Variants in FHIT observed in about 807,000 individuals in gnomAD.
FHIT encodes the protein bis(5'-adenosyl)-triphosphatase.
FHIT carries 19 observed loss-of-function variants against 17.9 expected under a neutral mutation model. The ratio of observed to expected loss-of-function variants is 1.06; its 90% CI spans 0.74 to 1.56. The LOEUF is 1.56. FHIT is among the 40% of genes most tolerant of loss of function. The pLI is 0.00. For synonymous variants in FHIT, 81 were observed against 69.7 expected (o/e 1.16, Z -0.81); for missense variants, 248 against 189.2 (o/e 1.31, Z -1.82).
chr3:60,202,485 T>A (rs377172690), intron 5 of FHIT, among the ~76,000 whole-genome samples: 1 of 152,202 alleles, frequency 6.6e-6, no homozygotes, highest in Non-Finnish European at 1.5e-5. Context: ...GGTCAGGCAC[T>A]AGTTGGCATT....
At chr3:60,979,779 C>T (rs934689976) in intron 3 of FHIT, among the ~76,000 whole-genome samples, 31 of 152,182 alleles carry the variant, frequency 2.0e-4, no homozygotes, top group African/African-American at 6.0e-4. Context: ...ATCTGCATTC[C>T]GCTGTTCTCT....
chr3:60,220,649 A>C (rs1190576820), intron 5 of FHIT, among the ~76,000 whole-genome samples: 2 of 152,176 alleles, frequency 1.3e-5, no homozygotes, highest in Non-Finnish European at 2.9e-5. Flanking sequence ...TAACTTCAGT[A>C]GCAGACACTG....
chr3:60,375,408 TA>T (rs144193166), intron 5 of FHIT, among the ~76,000 whole-genome samples: 76,337 of 142,762 alleles, frequency 0.53, 20,206 homozygotes, highest in Non-Finnish European at 0.59. Context: ...ATCTCTACTT[TA>T]AAAAAAAAAA....
At position 60,496,406 on chromosome 3, in the gene FHIT, C is replaced by T. The variant is rs532984637; in HGVS notation, c.103+40454G>A. On this transcript the variant is annotated intron_variant, in intron 5 of 9. Transcript: ENST00000492590. ...TGCATCCAGGAGCAAACGTTTTACT[C>T]CACTGGATAATTGGAGAAATGAGAA... Among the ~76,000 whole-genome samples, 5 of 152,260 alleles carry T rather than the reference C, an allele frequency of 3.3e-5. No homozygotes were observed. In the South Asian group the frequency reaches 1.0e-3, roughly 32 times the overall value.
chr3:60,426,698 C>T (rs888463735), intron 5 of FHIT, among the ~76,000 whole-genome samples: 6 of 152,128 alleles, frequency 3.9e-5, no homozygotes, highest in African/African-American at 1.4e-4. Flanking sequence ...TTGATCATCA[C>T]AATTTTCTAC....
intron 1 of FHIT, among the ~76,000 whole-genome samples, chr3:61,210,607 T>A (rs2039431365): frequency 6.6e-6 from 1 of 152,168 alleles, no homozygotes; most frequent in African/African-American, 2.4e-5. Context: ...CTCCGAGCCA[T>A]GTGCGGTATA....
At position 59,869,975 on chromosome 3, in the gene FHIT, G is replaced by C. The variant is rs141156844; in HGVS notation, c.348+52371C>G. Among the ~76,000 whole-genome samples, 7 of 152,028 alleles carry C rather than the reference G, an allele frequency of 4.6e-5. No homozygotes were observed. In the East Asian group the frequency reaches 9.7e-4, roughly 21 times the overall value. ...CCAATTTTTAGCTGCTACTTATTGA[G>C]TGCTGACTATTCTTGGCATCAGCTA... On this transcript the variant is annotated intron_variant, in intron 8 of 9. Coordinates refer to ENST00000492590, the MANE Select transcript of FHIT (RefSeq NM_002012.4).
At chr3:60,595,189 T>C (rs2038223664) in intron 4 of FHIT, among the ~76,000 whole-genome samples, 1 of 151,956 alleles carries the variant, frequency 6.6e-6, no homozygotes. Context: ...CAGTCTAGAT[T>C]TGGATGCAAA....
At chr3:60,330,253 G>A (rs1418243237) in intron 5 of FHIT, among the ~76,000 whole-genome samples, 4 of 152,146 alleles carry the variant, frequency 2.6e-5, no homozygotes, top group South Asian at 2.1e-4. Context: ...AGCAATGCTC[G>A]ATCAGGATTC....
intron 8 of FHIT, among the ~76,000 whole-genome samples, chr3:59,910,196 T>G (rs1336991498): frequency 1.3e-5 from 2 of 152,168 alleles, no homozygotes; most frequent in African/African-American, 4.8e-5. Context: ...TGAGCAATGG[T>G]TCATTCTGGA....
At chr3:60,011,175 G>A (rs1700120920) in intron 7 of FHIT, among the ~76,000 whole-genome samples, 196 bp downstream of exon 7, 1 of 152,154 alleles carries the variant, frequency 6.6e-6, no homozygotes, top group Non-Finnish European at 1.5e-5. Flanking sequence ...AAAAGTAAAT[G>A]TCTTGTAAAC....
At chr3:60,035,847 A>C (rs558764302) in intron 5 of FHIT, among the ~76,000 whole-genome samples, 6 of 152,170 alleles carry the variant, frequency 3.9e-5, no homozygotes, top group Non-Finnish European at 8.8e-5. Flanking sequence ...TTGACTTTCT[A>C]TCAATAGGTT....
chr3:61,173,919 G>A (rs555580195), intron 2 of FHIT, among the ~76,000 whole-genome samples: 3 of 152,306 alleles, frequency 2.0e-5, no homozygotes, highest in South Asian at 2.1e-4. Context: ...TATGCCCTCT[G>A]CAGTACTCTG....
In FHIT at chr3:60,299,973, C is replaced by T. The variant is rs1051272833; in HGVS notation, c.103+236887G>A. Among the ~76,000 whole-genome samples, 7 of 152,078 alleles carry T rather than the reference C, an allele frequency of 4.6e-5. No homozygotes were observed. The East Asian group carries it at 5.8e-4, about 13-fold the overall frequency. ...CCTTCACCTACAGTGAGCAGGCTTT[C>T]GCTGTAACCTTTCCTTTTGTCTGTG... On this transcript the variant is annotated intron_variant, in intron 5 of 9. Transcript: ENST00000492590.
intron 2 of FHIT, among the ~76,000 whole-genome samples, chr3:61,188,917 T>C (rs2038616787): frequency 6.6e-6 from 1 of 152,054 alleles, no homozygotes; most frequent in Admixed American, 6.6e-5. Flanking sequence ...AAATGAGGTA[T>C]TGATGGGACA....
chr3:60,078,895 C>T (rs1576048470), intron 5 of FHIT, among the ~76,000 whole-genome samples: 1 of 150,844 alleles, frequency 6.6e-6, no homozygotes, highest in African/African-American at 2.4e-5. Flanking sequence ...TTACATTATG[C>T]TTGCAACTTT....
chr3:60,406,024 AATT>A (rs1701843605), intron 5 of FHIT, among the ~76,000 whole-genome samples: 1 of 152,184 alleles, frequency 6.6e-6, no homozygotes, highest in African/African-American at 2.4e-5. Flanking sequence ...ATAACTGCTC[AATT>A]ATTATTAGAT....
chr3:60,732,937 C>G (rs886464747), intron 4 of FHIT, among the ~76,000 whole-genome samples: 20 of 152,114 alleles, frequency 1.3e-4, no homozygotes, highest in African/African-American at 4.8e-4. Flanking sequence ...CGGCCCACCT[C>G]GGCATCCCAA....
At chr3:61,131,741 G>C (rs138943004) in intron 2 of FHIT, among the ~76,000 whole-genome samples, 1 of 152,206 alleles carries the variant, frequency 6.6e-6, no homozygotes, top group Non-Finnish European at 1.5e-5. Context: ...AAAAGGTTTC[G>C]TTGTTTATTG....
Sources: gnomAD v4.1 joint callset for allele counts (sites outside exome capture counted in the v4.1 genomes callset) on GRCh38, gnomAD v4.1.1 for gene constraint, MANE v1.5 for transcripts, NCBI Gene and HGNC (gene_info 2026-07-23, HGNC 2026-07-21) for gene names.